Variants in TRPM1 observed in about 807,000 individuals in gnomAD.
The protein encoded by TRPM1 is TRPM1-203 APA Isoform, Intron 10.
A neutral mutation model predicts 149.4 loss-of-function variants in TRPM1; 113 were observed. The observed-to-expected ratio is 0.76, with a 90% CI of 0.65 to 0.88. TRPM1 has a LOEUF of 0.88. Among genes scored for constraint, TRPM1 ranks in the 40% least tolerant of loss-of-function variants. The pLI is 0.00. For synonymous variants in TRPM1, 741 were observed against 759.5 expected (o/e 0.98, Z 0.40); for missense variants, 1,976 against 2,038.7 (o/e 0.97, Z 0.59).
At chr15:31,160,419 C>T (rs2141070304) in intron 1 of TRPM1, among the ~76,000 whole-genome samples, 1 of 152,304 alleles carries the variant, frequency 6.6e-6, no homozygotes, top group South Asian at 2.1e-4. Context: ...CTGTTAGATG[C>T]TGCTGCCTGC....
upstream of TRPM1, among the ~76,000 whole-genome samples, chr15:31,103,778 A>T (rs931711981): frequency 6.1e-5 from 9 of 147,802 alleles, no homozygotes; most frequent in African/African-American, 2.3e-4. Flanking sequence ...ACACCACTGC[A>T]CTCCAGCCTG....
intron 8 of TRPM1, 103 bp from the exon 9 acceptor site, chr15:31,062,805 GA>G: frequency 7.5e-7 from 1 of 1,342,234 alleles, no homozygotes; most frequent in Non-Finnish European, 1.1e-6. Flanking sequence ...GCTGTGGGAG[GA>G]TATCCTGACA....
intron 1 of TRPM1, among the ~76,000 whole-genome samples, chr15:31,120,935 A>G (rs1052262868): frequency 2.6e-5 from 4 of 152,200 alleles, no homozygotes; most frequent in African/African-American, 9.6e-5. Context: ...GTATTAGAAA[A>G]AAAGAAAGAT....
At chr15:31,063,036 A>T (rs2034274507) in intron 8 of TRPM1, 82 bp downstream of exon 8, 1 of 1,565,234 alleles carries the variant, frequency 6.4e-7, no homozygotes, top group African/African-American at 1.4e-5. Context: ...GGAATGTCTA[A>T]GCAGACCACT....
rs565486768 is a variant in TRPM1 at position 31,081,484 on chromosome 15, T to C, written c.-83-46A>G. On this transcript the variant is annotated intron_variant, in intron 1 of 27. Transcript: ENST00000256552. ...AGTAAGAGTCACTTTGCCTGCAGCC[T>C]CTTTCTTGGGAAGCAAGATGAACAA... 3 of 1,265,596 alleles carry C rather than the reference T, an allele frequency of 2.4e-6. No homozygotes were observed. In the African/African-American group the frequency reaches 4.5e-5, roughly 19 times the overall value. The allele number at this position is 1,265,596 out of a possible 1,614,324, so 78.4% of individuals were successfully genotyped here.
At chr15:31,115,866 G>A (rs567166801) in intron 1 of TRPM1, among the ~76,000 whole-genome samples, 44 of 151,976 alleles carry the variant, frequency 2.9e-4, no homozygotes, top group African/African-American at 9.9e-4. Context: ...CTGGAGGCTG[G>A]GAAGTCCAAA....
intron 11 of TRPM1, among the ~76,000 whole-genome samples, chr15:31,059,166 T>G (rs1336791958): frequency 1.3e-5 from 2 of 152,166 alleles, no homozygotes; most frequent in African/African-American, 4.8e-5. Context: ...GCAATCCACC[T>G]CCTTCTATTA....
intron 1 of TRPM1, among the ~76,000 whole-genome samples, chr15:31,114,629 C>T (rs551220672): frequency 6.6e-6 from 1 of 152,188 alleles, no homozygotes; most frequent in Non-Finnish European, 1.5e-5. Flanking sequence ...ACTAAAAAGG[C>T]AGCTGACCTC....
intron 1 of TRPM1, among the ~76,000 whole-genome samples, chr15:31,095,363 T>G (rs2035348839): frequency 6.6e-6 from 1 of 152,340 alleles, no homozygotes; most frequent in Non-Finnish European, 1.5e-5. Flanking sequence ...GTCCATTTTA[T>G]GTGATACAAA....
In TRPM1 at chr15:31,042,183, C is replaced by T. The variant is rs368790606; in HGVS notation, c.1855G>A (p.Asp619Asn). 12 of 1,613,772 alleles carry T rather than the reference C, an allele frequency of 7.4e-6. No individual in the cohort carries two copies. The highest frequency in any genetic ancestry group is 4.0e-5 in the African/African-American group (3 of 75,034). ...ACGGCAGGGTCGTCCACATCAATGT[C>T]GATCTCTTCCTCCTTTTTCTTCTTT... ...KKKKKKEEEI[D>N]IDVDDPAVSR... Residue 619 changes from aspartate (D) to asparagine (N), a missense_variant, in exon 17 of 28, where the codon GAC becomes AAC. Transcript: ENST00000256552.
chr15:31,101,979 C>A (rs1041851524), upstream of TRPM1, among the ~76,000 whole-genome samples: 2 of 152,244 alleles, frequency 1.3e-5, no homozygotes, highest in Non-Finnish European at 2.9e-5. Flanking sequence ...CCCCCTCCCA[C>A]CCAGCCGCCC....
In TRPM1 at chr15:31,030,964, C is replaced by G. The variant is rs775750706; in HGVS notation, c.3127+19G>C. On this transcript the variant is annotated intron_variant, in intron 23 of 27. Coordinates refer to ENST00000256552, the MANE Select transcript of TRPM1 (RefSeq NM_001252024.2). ...CTCAGAAGCAGGGAAGAGAATCTTA[C>G]TATGAATTCTACTCTTACGGTCTAT... 1.6e-5 allele frequency: 26 copies of G among 1,613,844 alleles called. No individual in the cohort carries two copies. The Middle Eastern group carries it at 4.9e-4, about 31-fold the overall frequency.
intron 1 of TRPM1, among the ~76,000 whole-genome samples, chr15:31,146,715 G>A (rs140776791): frequency 9.0e-4 from 137 of 152,250 alleles, no homozygotes; most frequent in African/African-American, 3.1e-3. Context: ...GGCCGGGTGC[G>A]GTGGCTCACG....
At chr15:31,139,756 G>A (rs571828102) in intron 1 of TRPM1, among the ~76,000 whole-genome samples, 106 of 152,302 alleles carry the variant, frequency 7.0e-4, no homozygotes, top group African/African-American at 2.2e-3. Context: ...TATCACTTGC[G>A]TGCTGTAAAA....
At position 31,002,913 on chromosome 15, in the gene TRPM1, C is replaced by G; in HGVS notation, c.3787G>C (p.Asp1263His). The change falls in exon 28 of 28, where the codon GAC (aspartate) becomes CAC (histidine). Residue 1263 changes from aspartate to histidine, a missense_variant. Asp to His is a moderately conservative substitution (Grantham distance 81). Coordinates refer to ENST00000256552, the MANE Select transcript of TRPM1 (RefSeq NM_001252024.2). ...LENLAGIDRS[D>H]LIQARSRASS... ...GCCCGGGACCGTGCCTGGATCAGGT[C>G]AGACCTGTCGATTCCCGCAAGATTT... is the stretch of plus-strand genomic sequence containing the variant. The G allele has an allele frequency of 6.2e-7, 1 of 1,609,186 alleles. No individual in the cohort carries two copies. The highest frequency in any genetic ancestry group is 8.5e-7 in the Non-Finnish European group (1 of 1,176,794).
intron 1 of TRPM1, among the ~76,000 whole-genome samples, chr15:31,149,765 C>A (rs1276387112): frequency 6.6e-6 from 1 of 152,098 alleles, no homozygotes; most frequent in Non-Finnish European, 1.5e-5. Context: ...GTGATCCGCC[C>A]GCCTTGGCCT....
At chr15:31,069,467 C>T (rs1460357925) in intron 4 of TRPM1, 1 of 1,037,176 alleles carries the variant, frequency 9.6e-7, no homozygotes, top group Non-Finnish European at 1.2e-6. Flanking sequence ...AAGTCTGTGA[C>T]TGGGCATGTA....
intron 25 of TRPM1, among the ~76,000 whole-genome samples, chr15:31,027,582 C>A (rs1379302949): frequency 1.3e-5 from 2 of 152,120 alleles, no homozygotes; most frequent in Admixed American, 6.5e-5. Context: ...CTTATTTTAG[C>A]TTCCAACAGG....
chr15:31,070,416 C>T, intron 3 of TRPM1, 190 bp from the exon 4 acceptor site: 1 of 711,550 alleles, frequency 1.4e-6, no homozygotes, highest in South Asian at 1.5e-5. Flanking sequence ...GTGCACATCT[C>T]TTTATATGCC....
Sources: gnomAD v4.1 joint callset for allele counts (sites outside exome capture counted in the v4.1 genomes callset) on GRCh38, gnomAD v4.1.1 for gene constraint, MANE v1.5 for transcripts, NCBI Gene and HGNC (gene_info 2026-07-23, HGNC 2026-07-21) for gene names.